Variants in SH3TC2 observed in about 807,000 individuals in gnomAD.
SH3TC2 encodes SH3 domain and tetratricopeptide repeat-containing protein 2.
SH3TC2 carries 87 observed loss-of-function variants against 124.5 expected under a neutral mutation model. The observed-to-expected ratio is 0.70, with a 90% CI of 0.59 to 0.84. The LOEUF (loss-of-function observed/expected upper bound fraction) is 0.84. Ranked by LOEUF, SH3TC2 falls within the 40% of genes least tolerant of loss-of-function variation. The pLI is 0.00. For missense variants in SH3TC2, 1,536 were observed against 1,566.4 expected (o/e 0.98, Z 0.33); for synonymous variants, 634 against 628.5 (o/e 1.01, Z -0.13).
At position 149,044,513 on chromosome 5, in the gene SH3TC2, CTGCT is replaced by C; in HGVS notation, c.385+16_385+19del. On this transcript the variant is annotated intron_variant, in intron 4 of 16. Coordinates refer to ENST00000515425, the MANE Select transcript of SH3TC2 (RefSeq NM_024577.4). ...AATTGTGGAGGAGGTCATCCTCCAC[CTGCT>C]TGCCTTGTACCATACCTAAATTAAG... The C allele has an allele frequency of 6.2e-7, 1 of 1,600,734 alleles. No individual in the cohort carries two copies. Among genetic ancestry groups the C allele is most frequent in the African/African-American group, 1.3e-5 (1 of 74,732 alleles).
intron 12 of SH3TC2, among the ~76,000 whole-genome samples, chr5:149,018,891 TC>T: frequency 6.6e-6 from 1 of 152,350 alleles, no homozygotes; most frequent in African/African-American, 2.4e-5. Flanking sequence ...GATAAAGTCT[TC>T]CCTGACAGAT....
rs1284272606 is a variant in SH3TC2 at position 149,000,280 on chromosome 5, A to T, written c.*4431T>A. On this transcript the variant is annotated 3_prime_UTR_variant, in exon 17 of 17. Transcript: ENST00000515425. ...CACTGACCCTCCTCAGAAGGAGCTC[A>T]GTCCTCTTCCCTGCTTACTCCATTT... Among the ~76,000 whole-genome samples, 1 of 152,182 alleles carries T rather than the reference A, an allele frequency of 6.6e-6. No individual in the cohort carries two copies. The highest frequency in any genetic ancestry group is 1.5e-5 in the Non-Finnish European group (1 of 68,026).
In SH3TC2 at chr5:149,038,396, A is replaced by G. The variant is rs550317973; in HGVS notation, c.900T>C (p.Phe300=). 1 of 1,614,238 alleles carries G rather than the reference A, an allele frequency of 6.2e-7. No individual in the cohort carries two copies. Among genetic ancestry groups the G allele is most frequent in the Non-Finnish European group, 8.5e-7 (1 of 1,180,038 alleles). The change falls in exon 8 of 17, where the codon TTT becomes TTC. Residue 300 remains phenylalanine (F), a synonymous_variant. Coordinates refer to ENST00000515425, the MANE Select transcript of SH3TC2 (RefSeq NM_024577.4). ...TGAACCACTGAAGCCCAGGTATGAC[A>G]AAGCCGATGATCTCAATGCTTTCTC... is the stretch of plus-strand genomic sequence containing the variant. ...YQGESIEIIG[F]VIPGLQWFIG...
At chr5:149,058,690 T>C (rs149813844) in intron 1 of SH3TC2, among the ~76,000 whole-genome samples, 364 of 152,106 alleles carry the variant, frequency 2.4e-3, no homozygotes, top group Non-Finnish European at 4.0e-3. Context: ...GCTTTGTACA[T>C]ACATGGGATG....
rs925363005 is a variant in SH3TC2, at chr5:148,996,353, G to A, written c.*8358C>T. Among the ~76,000 whole-genome samples the A allele has an allele frequency of 6.6e-5, 10 of 152,096 alleles. No homozygotes were observed. The highest frequency in any genetic ancestry group is 2.2e-4 in the African/African-American group (9 of 41,416). On this transcript the variant is annotated 3_prime_UTR_variant, in exon 17 of 17. Transcript: ENST00000515425. ...AAGAATGCCACAGGACTTGGAAGAG[G>A]ATCAGAATATCAGTTTATATAAGCT...
At chr5:149,034,708 CAAAG>C (rs954408007) in intron 8 of SH3TC2, among the ~76,000 whole-genome samples, 1 of 151,604 alleles carries the variant, frequency 6.6e-6, no homozygotes, top group African/African-American at 2.4e-5. Context: ...GAAATAAAAA[CAAAG>C]AAAGTAGACA....
intron 12 of SH3TC2, among the ~76,000 whole-genome samples, chr5:149,016,165 A>ATT (rs1753869735): frequency 6.6e-6 from 1 of 152,194 alleles, no homozygotes; most frequent in South Asian, 2.1e-4. Context: ...GCCCCAAGAG[A>ATT]TCAGTACTAT....
In SH3TC2 at chr5:148,984,046, A is replaced by G. The variant is rs920087008; in HGVS notation, c.*20665T>C. Among the ~76,000 whole-genome samples the G allele has an allele frequency of 2.0e-5, 3 of 152,208 alleles. No individual in the cohort carries two copies. The highest frequency in any genetic ancestry group is 2.0e-4 in the Admixed American group (3 of 15,276). ...TTCTCAAAGTGAAAAGAACCTGCAT[A>G]CAACTTCTTGTACATGAATATTGAT... On this transcript the variant is annotated 3_prime_UTR_variant, in exon 17 of 17. Coordinates refer to ENST00000515425, the MANE Select transcript of SH3TC2 (RefSeq NM_024577.4).
chr5:149,005,564 T>C (rs1753673269), intron 16 of SH3TC2, among the ~76,000 whole-genome samples: 1 of 152,154 alleles, frequency 6.6e-6, no homozygotes, highest in Non-Finnish European at 1.5e-5. Context: ...ATCACACACT[T>C]TGTCCCTGAA....
At chr5:149,040,505 A>G in intron 7 of SH3TC2, 99 bp downstream of exon 7, 2 of 1,126,694 alleles carry the variant, frequency 1.8e-6, no homozygotes, top group Non-Finnish European at 2.7e-6. Context: ...CAGAGACGAG[A>G]CAAAAATTCA....
chr5:149,011,250 A>C (rs1753778436), intron 13 of SH3TC2, among the ~76,000 whole-genome samples: 2 of 152,310 alleles, frequency 1.3e-5, no homozygotes, highest in African/African-American at 2.4e-5. Flanking sequence ...TCACTGGGGC[A>C]AGATGCTGCA....
intron 7 of SH3TC2, among the ~76,000 whole-genome samples, chr5:149,040,096 T>TTGTG (rs761154028): frequency 6.6e-6 from 1 of 151,678 alleles, no homozygotes. Flanking sequence ...ATTACTTAAA[T>TTGTG]TGTGTGTGTG....
chr5:149,045,992 C>T, intron 3 of SH3TC2: 1 of 423,186 alleles, frequency 2.4e-6, no homozygotes. Context: ...AATCACTGCC[C>T]AGACTTAGTT....
chr5:148,987,295 T>C lies in SH3TC2; in HGVS notation c.*17416A>G, dbSNP rs1251832177. 2.6e-5 allele frequency among the ~76,000 whole-genome samples: 4 copies of C among 152,232 alleles called. No homozygotes were observed. The highest frequency in any genetic ancestry group is 9.6e-5 in the African/African-American group (4 of 41,458). Reference sequence around the variant, plus strand: ...TTGGGAATGTTCAGGAATATTCTCATTGGATTGCAAGTGCCAAGAGGACAA... The same window carrying C: ...TTGGGAATGTTCAGGAATATTCTCACTGGATTGCAAGTGCCAAGAGGACAA... On this transcript the variant is annotated 3_prime_UTR_variant, in exon 17 of 17. Coordinates refer to ENST00000515425, the MANE Select transcript of SH3TC2 (RefSeq NM_024577.4).
intron 15 of SH3TC2, chr5:149,008,624 T>C (rs1753730570): frequency 1.7e-6 from 1 of 603,238 alleles, no homozygotes; most frequent in East Asian, 2.9e-5. Flanking sequence ...CTGGTCTTCA[T>C]AACAACTACC....
chr5:149,042,904 G>T, intron 4 of SH3TC2, 67 bp from the exon 5 acceptor site: 1 of 1,595,174 alleles, frequency 6.3e-7, no homozygotes, highest in Non-Finnish European at 8.6e-7. Flanking sequence ...ACAGAAGAGA[G>T]TGAGAAAATT....
At chr5:149,042,530 T>C (rs1754388962) in intron 5 of SH3TC2, among the ~76,000 whole-genome samples, 164 bp downstream of exon 5, 1 of 152,220 alleles carries the variant, frequency 6.6e-6, no homozygotes, top group African/African-American at 2.4e-5. Context: ...AATGTCAGTG[T>C]TGAACTCAGA....
intron 3 of SH3TC2, chr5:149,047,374 T>C (rs962908014): frequency 6.6e-4 from 116 of 175,020 alleles, no homozygotes; most frequent in African/African-American, 2.6e-3. Context: ...AGATATGGAA[T>C]TTCAGTTTGA....
chr5:149,056,998 C>T (rs1476711878), intron 1 of SH3TC2, among the ~76,000 whole-genome samples: 1 of 152,212 alleles, frequency 6.6e-6, no homozygotes, highest in East Asian at 1.9e-4. Flanking sequence ...CTTTTTGATA[C>T]TTTCATCTAC....
Sources: gnomAD v4.1 joint callset for allele counts (sites outside exome capture counted in the v4.1 genomes callset) on GRCh38, gnomAD v4.1.1 for gene constraint, MANE v1.5 for transcripts, NCBI Gene and HGNC (gene_info 2026-07-23, HGNC 2026-07-21) for gene names.